The following CSMD1 variants were observed in gnomAD, a reference collection of about 807,000 sequenced individuals.
CSMD1 encodes CUB and sushi domain-containing protein 1.
In CSMD1, 213 loss-of-function variants were observed where a neutral mutation model predicts 417.5. The observed-to-expected ratio is 0.51, with a 90% CI of 0.46 to 0.57. The LOEUF (loss-of-function observed/expected upper bound fraction) is 0.57. CSMD1 is among the 20% of genes least tolerant of loss of function. The probability of loss-of-function intolerance (pLI) is 0.00; values close to 1 mark genes in which losing one functional copy is unlikely to be tolerated. For synonymous variants in CSMD1, 2,862 were observed against 1,736.8 expected (o/e 1.65, Z -16.11); for missense variants, 6,923 against 4,529.7 (o/e 1.53, Z -15.17).
intron 2 of CSMD1, among the ~76,000 whole-genome samples, chr8:4,592,531 G>A (rs1585300832): frequency 2.0e-5 from 3 of 151,802 alleles, no homozygotes; most frequent in East Asian, 1.9e-4. Flanking sequence ...GAACTACAGG[G>A]GCCGGCCACC....
At chr8:3,898,278 CA>C (rs201141423) in intron 5 of CSMD1, among the ~76,000 whole-genome samples, 1 of 151,422 alleles carries the variant, frequency 6.6e-6, no homozygotes, top group Non-Finnish European at 1.5e-5. Context: ...TGAATACAAC[CA>C]AAAAAAACCC....
At chr8:3,153,058 G>T (rs1819300168) in intron 39 of CSMD1, among the ~76,000 whole-genome samples, 2 of 152,200 alleles carry the variant, frequency 1.3e-5, no homozygotes, top group South Asian at 4.1e-4. Flanking sequence ...CTAAGTCACA[G>T]GATGAGAGAG....
chr8:4,876,654 G>C (rs1483176914), intron 1 of CSMD1, among the ~76,000 whole-genome samples: 5 of 152,038 alleles, frequency 3.3e-5, no homozygotes, highest in Non-Finnish European at 7.4e-5. Flanking sequence ...ACAATGCAAT[G>C]TGTTGTGTTT....
In CSMD1 at chr8:4,538,367, G is replaced by T. The variant is rs1338343227; in HGVS notation, c.302+98975C>A. On this transcript the variant is annotated intron_variant, in intron 2 of 69. Transcript: ENST00000635120. ...CTAACTTTTTTTTTTAAAAGGCTGGGTGCGATGGCTTATGCCTGTAATCCA... is the reference window on the plus strand; with the variant it reads ...CTAACTTTTTTTTTTAAAAGGCTGGTTGCGATGGCTTATGCCTGTAATCCA... Among the ~76,000 whole-genome samples the T allele has an allele frequency of 2.6e-5, 4 of 151,876 alleles. No homozygotes were observed. The East Asian group carries it at 7.7e-4, about 29-fold the overall frequency.
At position 3,316,533 on chromosome 8, in the gene CSMD1, C is replaced by A. The variant is rs544117910; in HGVS notation, c.3632-8030G>T. 9.2e-5 allele frequency among the ~76,000 whole-genome samples: 9 copies of A among 97,498 alleles called. No individual in the cohort carries two copies. In the East Asian group the frequency reaches 1.8e-3, roughly 20 times the overall value. The allele number at this position is 97,498 out of a possible 152,430, so 64.0% of individuals were successfully genotyped here. On this transcript the variant is annotated intron_variant, in intron 23 of 69. Transcript: ENST00000635120. The stretch of plus-strand genomic sequence containing the variant: ...AGCTGGAGGGGTTCAGTGAGCCTTG[C>A]GGGAGAGGGTTTGAGCAGGTCTAGG...
intron 3 of CSMD1, among the ~76,000 whole-genome samples, chr8:4,322,439 C>G (rs998415322): frequency 2.0e-5 from 3 of 152,050 alleles, no homozygotes; most frequent in Non-Finnish European, 1.5e-5. Flanking sequence ...AATATTCTAT[C>G]ATAAGAGTAG....
intron 26 of CSMD1, among the ~76,000 whole-genome samples, chr8:3,262,321 G>C (rs934275597): frequency 1.3e-5 from 2 of 148,636 alleles, no homozygotes; most frequent in African/African-American, 2.5e-5. Flanking sequence ...GTACCTTTGT[G>C]ATAGAAGGCA....
At chr8:4,043,869 G>T (rs909360167) in intron 3 of CSMD1, among the ~76,000 whole-genome samples, 15 of 152,122 alleles carry the variant, frequency 9.9e-5, no homozygotes, top group African/African-American at 3.4e-4. Context: ...ACACAGAGAG[G>T]CTAAGGAACT....
intron 2 of CSMD1, among the ~76,000 whole-genome samples, chr8:4,453,661 C>G (rs190600991): frequency 6.6e-6 from 1 of 152,032 alleles, no homozygotes; most frequent in Non-Finnish European, 1.5e-5. Context: ...GCCCCCGACA[C>G]CTGCAGGTCC....
chr8:3,216,560 G>C (rs1412509642), intron 29 of CSMD1, among the ~76,000 whole-genome samples: 2 of 152,008 alleles, frequency 1.3e-5, no homozygotes, highest in South Asian at 2.1e-4. Flanking sequence ...CACTAATTTT[G>C]ATTTCTGATG....
intron 12 of CSMD1, among the ~76,000 whole-genome samples, chr8:3,451,958 T>A (rs1366189252): frequency 6.6e-6 from 1 of 151,744 alleles, no homozygotes; most frequent in Non-Finnish European, 1.5e-5. Context: ...ACATGGAATG[T>A]TCTTCCATTT....
intron 50 of CSMD1, among the ~76,000 whole-genome samples, chr8:3,036,005 A>G (rs148679705): frequency 6.6e-4 from 100 of 152,290 alleles, no homozygotes; most frequent in African/African-American, 2.2e-3. Context: ...TGGTTGACAC[A>G]TTTTTGTTCT....
intron 3 of CSMD1, among the ~76,000 whole-genome samples, chr8:4,078,521 C>G (rs1228921286): frequency 6.6e-6 from 1 of 151,784 alleles, no homozygotes; most frequent in African/African-American, 2.4e-5. Flanking sequence ...ACCTCGGCCT[C>G]CCAAAGTGCT....
Position 4,304,734 on chromosome 8 carries a change from G to C in CSMD1, c.415+115219C>G, listed in dbSNP as rs112676298. 5.7e-3 allele frequency among the ~76,000 whole-genome samples: 862 copies of C among 152,110 alleles called. 7 individuals are homozygous for C. Among genetic ancestry groups the C allele is most frequent in the African/African-American group, 0.02 (829 of 41,510 alleles). On this transcript the variant is annotated intron_variant, in intron 3 of 69. Coordinates refer to ENST00000635120, the MANE Select transcript of CSMD1 (RefSeq NM_033225.6). ...ACAAGGAGAGCCAACTAAATCACTT[G>C]GTAAAAGAAAAGACCAAAAAATAAA...
intron 3 of CSMD1, among the ~76,000 whole-genome samples, chr8:4,277,212 T>C (rs1192915584): frequency 2.1e-5 from 3 of 143,826 alleles, no homozygotes; most frequent in Non-Finnish European, 3.1e-5. Context: ...TATATATATA[T>C]ATATACACAC....
At chr8:4,669,933 A>C (rs556086027) in intron 1 of CSMD1, among the ~76,000 whole-genome samples, 61 of 152,096 alleles carry the variant, frequency 4.0e-4, no homozygotes, top group Non-Finnish European at 7.5e-4. Flanking sequence ...TTTATTTTTG[A>C]AAGTCATGAG....
At position 3,199,696 on chromosome 8, in the gene CSMD1, A is replaced by T. The variant is rs566473230; in HGVS notation, c.5194+18T>A. 616 of 1,544,628 alleles carry T rather than the reference A, an allele frequency of 4.0e-4. 7 individuals are homozygous for T. The South Asian group carries it at 7.0e-3, about 18-fold the overall frequency. ...AAAGACCACAGTGACATGTGGAGAC[A>T]TGTGGAGTGACGCTTACCTTGATAC... On this transcript the variant is annotated intron_variant, in intron 33 of 69. Coordinates refer to ENST00000635120, the MANE Select transcript of CSMD1 (RefSeq NM_033225.6).
intron 5 of CSMD1, among the ~76,000 whole-genome samples, chr8:3,935,921 T>C (rs760994798): frequency 6.6e-6 from 1 of 152,188 alleles, no homozygotes; most frequent in African/African-American, 2.4e-5. Context: ...CTAAGCCTCC[T>C]GCACTAAACA....
At chr8:3,452,645 C>T (rs970577298) in intron 12 of CSMD1, among the ~76,000 whole-genome samples, 1 of 152,160 alleles carries the variant, frequency 6.6e-6, no homozygotes, top group Admixed American at 6.5e-5. Flanking sequence ...GTTGAATCAG[C>T]CTTGCATCCC....
Sources: allele counts gnomAD v4.1 joint callset (sites outside exome capture counted in the v4.1 genomes callset), GRCh38; gene constraint gnomAD v4.1.1; transcripts MANE v1.5; gene names NCBI Gene and HGNC (gene_info 2026-07-23, HGNC 2026-07-21).